Variants in ETFA observed in about 807,000 individuals in gnomAD.
ETFA encodes electron transfer flavoprotein subunit alpha, also known as electron transfer flavoprotein subunit alpha, mitochondrial.
ETFA carries 22 observed loss-of-function variants against 46.2 expected under a neutral mutation model. The observed-to-expected ratio is 0.48, with a 90% CI of 0.34 to 0.68. The LOEUF (loss-of-function observed/expected upper bound fraction) is 0.68, where lower values mean the gene tolerates loss of function less well. Ranked by LOEUF, ETFA falls within the 30% of genes least tolerant of loss-of-function variation. The probability of loss-of-function intolerance (pLI) is 0.01; values close to 1 mark genes in which losing one functional copy is unlikely to be tolerated. For synonymous variants in ETFA, 131 were observed against 139.9 expected (o/e 0.94, Z 0.45); for missense variants, 345 against 401.1 (o/e 0.86, Z 1.19).
chr15:76,283,731 C>G (rs756597238), intron 8 of ETFA, 26 bp downstream of exon 8: 1 of 1,434,368 alleles, frequency 7.0e-7, no homozygotes, highest in South Asian at 1.2e-5. Flanking sequence ...AAGGGAATAT[C>G]TTTCTACTAA....
chr15:76,271,326 TAAATGAAAGACC>T (rs1365864553), intron 9 of ETFA, among the ~76,000 whole-genome samples: 1 of 152,174 alleles, frequency 6.6e-6, no homozygotes, highest in East Asian at 1.9e-4. Flanking sequence ...TGAAAATCAT[TAAATGAAAGACC>T]AAATGAAATT....
At chr15:76,263,288 C>T (rs890626903) in intron 9 of ETFA, among the ~76,000 whole-genome samples, 7 of 152,144 alleles carry the variant, frequency 4.6e-5, no homozygotes, top group African/African-American at 1.7e-4. Context: ...GACTTTGTAG[C>T]CCCCATGGCC....
Position 76,225,872 on chromosome 15 carries a change from C to T in ETFA, c.940G>A (p.Gly314Arg), listed in dbSNP as rs922679152. 1.9e-6 allele frequency: 3 copies of T among 1,610,056 alleles called. No individual in the cohort carries two copies. Among genetic ancestry groups the T allele is most frequent in the Non-Finnish European group, 2.6e-6 (3 of 1,176,434 alleles). Reference sequence around the variant, plus strand: ...ACCTTAAATAAATCTGCAACTATTCCATAATCTGCCACTTGGAAAATTGGA... The same window carrying T: ...ACCTTAAATAAATCTGCAACTATTCTATAATCTGCCACTTGGAAAATTGGA... ...EAPIFQVADY[G>R]IVADLFKVVP... The change falls in exon 11 of 12, where the codon GGA becomes AGA. Residue 314 changes from glycine (G) to arginine (R), a missense_variant. Gly to Arg is a moderately radical substitution (Grantham distance 125). Transcript: ENST00000557943.
chr15:76,232,380 C>T (rs1175866067), intron 9 of ETFA, among the ~76,000 whole-genome samples: 1 of 152,226 alleles, frequency 6.6e-6, no homozygotes, highest in African/African-American at 2.4e-5. Flanking sequence ...ACTGAACAAA[C>T]AAGTCCTGGC....
chr15:76,304,640 G>A (rs1567222159), intron 1 of ETFA, among the ~76,000 whole-genome samples: 2 of 150,058 alleles, frequency 1.3e-5, no homozygotes, highest in Non-Finnish European at 3.0e-5. Context: ...CTCCAGCCTG[G>A]GTGAGAGTAA....
In ETFA at chr15:76,261,054, G is replaced by A. The variant is rs1175929629; in HGVS notation, c.816+13358C>T. 9 of 1,575,744 alleles carry A rather than the reference G, an allele frequency of 5.7e-6. No individual in the cohort carries two copies. In the African/African-American group the frequency reaches 1.1e-4, roughly 19 times the overall value. On this transcript the variant is annotated intron_variant, in intron 9 of 11. Coordinates refer to ENST00000557943, the MANE Select transcript of ETFA (RefSeq NM_000126.4). The stretch of plus-strand genomic sequence containing the variant: ...TGCAGGCAGTGCTTGAAGGAGAACA[G>A]TGGCTATGCGAGAAGAGGCCAGGCA...
chr15:76,228,123 C>T, intron 10 of ETFA: 1 of 373,884 alleles, frequency 2.7e-6, no homozygotes, highest in South Asian at 2.0e-5. Context: ...CTAGAGGCCA[C>T]TTAGTCAGAC....
At position 76,259,698 on chromosome 15, in the gene ETFA, C is replaced by T. The variant is rs2039383682; in HGVS notation, c.816+14714G>A. On this transcript the variant is annotated intron_variant, in intron 9 of 11. Coordinates refer to ENST00000557943, the MANE Select transcript of ETFA (RefSeq NM_000126.4). Reference sequence around the variant, plus strand: ...TAGATCTTCCAGGAGAGTCCAAAGTCAGCCACACACACGGTCATGTCCCCT... The same window carrying T: ...TAGATCTTCCAGGAGAGTCCAAAGTTAGCCACACACACGGTCATGTCCCCT... 6 of 1,279,300 alleles carry T rather than the reference C, an allele frequency of 4.7e-6. No individual in the cohort carries two copies. The South Asian group carries it at 7.2e-5, about 15-fold the overall frequency. The allele number at this position is 1,279,300 out of a possible 1,614,324, so 79.2% of individuals were successfully genotyped here.
intron 9 of ETFA, among the ~76,000 whole-genome samples, chr15:76,254,664 A>G (rs2039332210): frequency 6.6e-6 from 1 of 152,144 alleles, no homozygotes; most frequent in South Asian, 2.1e-4. Context: ...ACAGTGCGCA[A>G]TGGAGTTTCC....
intron 1 of ETFA, among the ~76,000 whole-genome samples, chr15:76,297,312 C>CT (rs1232335622): frequency 6.6e-6 from 1 of 151,546 alleles, no homozygotes; most frequent in Non-Finnish European, 1.5e-5. Flanking sequence ...GGTACCCTTT[C>CT]TTTTTTCGTT....
intron 9 of ETFA, among the ~76,000 whole-genome samples, chr15:76,247,600 AT>A (rs202207851): frequency 4.0e-5 from 6 of 151,168 alleles, no homozygotes; most frequent in South Asian, 2.1e-4. Context: ...TAATCAGTAC[AT>A]TTTTTTTTAC....
intron 9 of ETFA, among the ~76,000 whole-genome samples, chr15:76,251,187 G>C (rs2039294354): frequency 6.6e-6 from 1 of 152,048 alleles, no homozygotes. Context: ...CAATAGAGGA[G>C]AGACTCTGAC....
intron 8 of ETFA, among the ~76,000 whole-genome samples, chr15:76,280,587 T>G (rs138990918): frequency 1.3e-3 from 196 of 152,262 alleles, no homozygotes; most frequent in African/African-American, 4.6e-3. Context: ...GCCAAAGTGA[T>G]CCTTTAAAAA....
intron 9 of ETFA, among the ~76,000 whole-genome samples, chr15:76,251,714 A>C (rs563722849): frequency 1.3e-5 from 2 of 152,294 alleles, no homozygotes; most frequent in African/African-American, 2.4e-5. Flanking sequence ...CATATTATAC[A>C]TGGGGCTTCC....
Position 76,236,529 on chromosome 15 carries a change from A to G in ETFA, c.817-5131T>C, listed in dbSNP as rs192564127. ...TGGACTATGGTCTGACAACAGATCT[A>G]AAGACAGAATGGCATTGTCTTATGT... On this transcript the variant is annotated intron_variant, in intron 9 of 11. Transcript: ENST00000557943. Among the ~76,000 whole-genome samples, 4 of 152,322 alleles carry G rather than the reference A, an allele frequency of 2.6e-5. No homozygotes were observed. The East Asian group carries it at 7.7e-4, about 29-fold the overall frequency.
At chr15:76,289,188 C>T (rs1311897153) in intron 4 of ETFA, among the ~76,000 whole-genome samples, 1 of 152,094 alleles carries the variant, frequency 6.6e-6, no homozygotes, top group Non-Finnish European at 1.5e-5. Flanking sequence ...CCTGCCTTGG[C>T]ACCCCAAAGT....
At chr15:76,311,223 C>CG (rs1239577428) in intron 1 of ETFA, 127 bp downstream of exon 1, 7 of 1,129,744 alleles carry the variant, frequency 6.2e-6, no homozygotes, top group Non-Finnish European at 8.9e-6. Context: ...AAGTCCCAGG[C>CG]GGGGACCGGC....
rs10682432 is a variant in ETFA at position 76,290,333 on chromosome 15, C to CTTTT, written c.351+2094_351+2097dup. 3.1e-3 allele frequency among the ~76,000 whole-genome samples: 304 copies of CTTTT among 97,076 alleles called. 22 individuals are homozygous for CTTTT. The highest frequency in any genetic ancestry group is 7.2e-3 in the African/African-American group (185 of 25,782). 63.7% of individuals were successfully genotyped at this position (97,076 alleles called of 152,430 possible). A position where few individuals can be genotyped will look rare whatever the true frequency, so the allele number is the denominator to read the frequency against. On this transcript the variant is annotated intron_variant, in intron 4 of 11. Coordinates refer to ENST00000557943, the MANE Select transcript of ETFA (RefSeq NM_000126.4). ...AACATTATGAGCCAAAGTCGCTACT[C>CTTTT]TTTTTTTTTTTTTTTTTTTTTGAGA...
At chr15:76,262,474 C>CTTTTTTTTTTTTT (rs60480510) in intron 9 of ETFA, among the ~76,000 whole-genome samples, 1 of 84,688 alleles carries the variant, frequency 1.2e-5, no homozygotes, top group Non-Finnish European at 2.2e-5. Context: ...ATCAAACCCC[C>CTTTTTTTTTTTTT]TTTTTTTTTT....
Sources: gnomAD v4.1 joint callset for allele counts (sites outside exome capture counted in the v4.1 genomes callset) on GRCh38, gnomAD v4.1.1 for gene constraint, MANE v1.5 for transcripts, NCBI Gene and HGNC (gene_info 2026-07-23, HGNC 2026-07-21) for gene names.